The following PRKD1 variants were observed in gnomAD, a reference collection of about 807,000 sequenced individuals.
The protein encoded by PRKD1 is serine/threonine-protein kinase D1.
A neutral mutation model predicts 95.9 loss-of-function variants in PRKD1; 63 were observed. The observed-to-expected ratio is 0.66, with a 90% CI of 0.54 to 0.81. The LOEUF (loss-of-function observed/expected upper bound fraction) is 0.81, where lower values mean the gene tolerates loss of function less well. Ranked by LOEUF, PRKD1 falls within the 30% of genes least tolerant of loss-of-function variation. PRKD1 has a pLI of 0.00. For missense variants in PRKD1, 1,048 were observed against 1,165.3 expected, an observed-to-expected ratio of 0.90 and a Z score of 1.47; for synonymous variants, 425 against 423.1, an observed-to-expected ratio of 1.00 and a Z score of -0.05.
intron 1 of PRKD1, among the ~76,000 whole-genome samples, chr14:29,761,150 AC>A (rs1194237495): frequency 6.6e-6 from 1 of 152,152 alleles, no homozygotes; most frequent in Non-Finnish European, 1.5e-5. Context: ...ATTTTAAGCA[AC>A]CAGTATTAAA....
chr14:29,765,989 T>C (rs1008184073), intron 1 of PRKD1, among the ~76,000 whole-genome samples: 2 of 152,264 alleles, frequency 1.3e-5, no homozygotes, highest in African/African-American at 4.8e-5. Flanking sequence ...TATTAAACCA[T>C]ACTTTCAGCT....
chr14:29,832,766 C>T (rs1891464220), intron 1 of PRKD1, among the ~76,000 whole-genome samples: 1 of 151,950 alleles, frequency 6.6e-6, no homozygotes, highest in South Asian at 2.1e-4. Flanking sequence ...ATTTTCTATC[C>T]TTTTATTTAA....
intron 1 of PRKD1, among the ~76,000 whole-genome samples, chr14:29,822,489 T>C (rs1456199746): frequency 2.6e-5 from 4 of 152,156 alleles, no homozygotes; most frequent in African/African-American, 4.8e-5. Flanking sequence ...GCAATAATTA[T>C]TTTAGTGCTT....
At chr14:29,740,392 A>C (rs577199384) in intron 1 of PRKD1, among the ~76,000 whole-genome samples, 1 of 152,356 alleles carries the variant, frequency 6.6e-6, no homozygotes, top group African/African-American at 2.4e-5. Context: ...ACTTTAGAGA[A>C]GAAAAACTCA....
intron 1 of PRKD1, among the ~76,000 whole-genome samples, chr14:29,777,631 C>G (rs10146279): frequency 6.6e-6 from 1 of 152,150 alleles, no homozygotes; most frequent in East Asian, 1.9e-4. Context: ...CGGGAGCACC[C>G]AGATTCATAA....
At chr14:29,808,174 C>T (rs376680190) in intron 1 of PRKD1, among the ~76,000 whole-genome samples, 1 of 152,058 alleles carries the variant, frequency 6.6e-6, no homozygotes, top group African/African-American at 2.4e-5. Flanking sequence ...AATCCTGCCA[C>T]TGCTTTATCA....
At chr14:29,595,759 C>A (rs1187103772) in intron 16 of PRKD1, among the ~76,000 whole-genome samples, 1 of 152,238 alleles carries the variant, frequency 6.6e-6, no homozygotes, top group East Asian at 1.9e-4. Flanking sequence ...TGTTTCCCCA[C>A]ACCCAATTCC....
At chr14:29,644,014 T>C (rs1296932668) in intron 4 of PRKD1, among the ~76,000 whole-genome samples, 1 of 152,174 alleles carries the variant, frequency 6.6e-6, no homozygotes. Flanking sequence ...CATTTGATAA[T>C]AAGCTCCTAT....
chr14:29,813,439 C>A (rs1199585202), intron 1 of PRKD1, among the ~76,000 whole-genome samples: 2 of 152,258 alleles, frequency 1.3e-5, no homozygotes, highest in African/African-American at 2.4e-5. Flanking sequence ...AATCTGAATT[C>A]TTCAGGCTGA....
chr14:29,603,235 G>A (rs549991868), intron 13 of PRKD1, among the ~76,000 whole-genome samples: 2 of 152,202 alleles, frequency 1.3e-5, no homozygotes, highest in South Asian at 2.1e-4. Flanking sequence ...TCTCAGTAGC[G>A]AAGTGATTTT....
intron 2 of PRKD1, among the ~76,000 whole-genome samples, chr14:29,707,083 G>A (rs1162848170): frequency 6.6e-6 from 1 of 152,180 alleles, no homozygotes; most frequent in African/African-American, 2.4e-5. Context: ...GGGTAGAGTA[G>A]GGAGTAGAAC....
At chr14:29,740,114 G>A (rs1209758475) in intron 1 of PRKD1, among the ~76,000 whole-genome samples, 1 of 152,134 alleles carries the variant, frequency 6.6e-6, no homozygotes, top group Non-Finnish European at 1.5e-5. Context: ...GCTATTAGAA[G>A]TCTTAGTAGA....
rs944779048 is a variant in PRKD1 at position 29,849,718 on chromosome 14, T to C, written c.264+77531A>G. Among the ~76,000 whole-genome samples, 5 of 152,028 alleles carry C rather than the reference T, an allele frequency of 3.3e-5. 1 individual carries two copies. The highest frequency in any genetic ancestry group is 1.2e-4 in the African/African-American group (5 of 41,476). Reference sequence around the variant, plus strand: ...AGGCAAAGAACTCTATCCTAACTCATTCTATAAATCAAGCATCATTCTGAT... The same window carrying C: ...AGGCAAAGAACTCTATCCTAACTCACTCTATAAATCAAGCATCATTCTGAT... On this transcript the variant is annotated intron_variant, in intron 1 of 17. Coordinates refer to ENST00000331968, the MANE Select transcript of PRKD1 (RefSeq NM_002742.3).
At chr14:29,748,540 C>T (rs1887334777) in intron 1 of PRKD1, among the ~76,000 whole-genome samples, 1 of 152,178 alleles carries the variant, frequency 6.6e-6, no homozygotes, top group Admixed American at 6.5e-5. Context: ...ATATTAAGAA[C>T]ATGGAAATCT....
intron 1 of PRKD1, among the ~76,000 whole-genome samples, chr14:29,915,220 A>G (rs766166977): frequency 7.6e-4 from 116 of 152,162 alleles, no homozygotes; most frequent in Non-Finnish European, 9.8e-4. Flanking sequence ...ATCTTATTGG[A>G]AAAAAGGCCA....
chr14:29,919,448 G>T lies in PRKD1; in HGVS notation c.264+7801C>A, dbSNP rs1895006253. ...TTTAATGATCTGTTTTTCTAGATGAGACCAGAAAAAGTAAGAAACAGAACA... is the reference window on the plus strand; with the variant it reads ...TTTAATGATCTGTTTTTCTAGATGATACCAGAAAAAGTAAGAAACAGAACA... On this transcript the variant is annotated intron_variant, in intron 1 of 17. Coordinates refer to ENST00000331968, the MANE Select transcript of PRKD1 (RefSeq NM_002742.3). Among the ~76,000 whole-genome samples, 3 of 150,142 alleles carry T rather than the reference G, an allele frequency of 2.0e-5. 1 individual carries two copies. The South Asian group carries it at 6.2e-4, about 31-fold the overall frequency.
At chr14:29,693,651 CA>C (rs201168452) in intron 2 of PRKD1, among the ~76,000 whole-genome samples, 37 of 133,464 alleles carry the variant, frequency 2.8e-4, no homozygotes, top group Admixed American at 6.0e-4. Flanking sequence ...ACAACAACAA[CA>C]AAAAAAAAAA....
chr14:29,896,367 C>T lies in PRKD1; in HGVS notation c.264+30882G>A, dbSNP rs1000031183. On this transcript the variant is annotated intron_variant, in intron 1 of 17. Transcript: ENST00000331968. ...AGGTTTCTACAGGCATGTGTGTGTA[C>T]ACACACACACACACACACACCCATC... is the stretch of plus-strand genomic sequence containing the variant. 5.3e-4 allele frequency among the ~76,000 whole-genome samples: 78 copies of T among 147,230 alleles called. 1 individual carries two copies. Among genetic ancestry groups the T allele is most frequent in the Non-Finnish European group, 5.2e-4 (35 of 66,808 alleles).
chr14:29,719,996 G>T (rs1461679678), intron 2 of PRKD1, among the ~76,000 whole-genome samples: 3 of 152,206 alleles, frequency 2.0e-5, no homozygotes, highest in Admixed American at 1.3e-4. Context: ...GAGACTTGCA[G>T]CAAATAATTC....
Sources: allele counts gnomAD v4.1 joint callset (sites outside exome capture counted in the v4.1 genomes callset), GRCh38; gene constraint gnomAD v4.1.1; transcripts MANE v1.5; gene names NCBI Gene and HGNC (gene_info 2026-07-23, HGNC 2026-07-21).